The following COL28A1 variants were observed in gnomAD, a reference collection of about 807,000 sequenced individuals.
The protein encoded by COL28A1 is collagen type XXVIII alpha 1 chain.
A neutral mutation model predicts 150.2 loss-of-function variants in COL28A1; 161 were observed. The observed-to-expected ratio is 1.07, with a 90% CI of 0.94 to 1.22. The LOEUF is 1.22. Among genes scored for constraint, COL28A1 ranks in the 50% most tolerant of loss-of-function variants. COL28A1 has a pLI of 0.00. For synonymous variants in COL28A1, 552 were observed against 469.7 expected (o/e 1.18, Z -2.26); for missense variants, 1,617 against 1,388.3 (o/e 1.16, Z -2.62).
chr7:7,445,243 A>G (rs1028572489), intron 18 of COL28A1, among the ~76,000 whole-genome samples: 3 of 152,202 alleles, frequency 2.0e-5, no homozygotes, highest in Non-Finnish European at 4.4e-5. Flanking sequence ...GTACTATAAG[A>G]AGAGGAAAAT....
In COL28A1 at chr7:7,531,633, G is replaced by C. The variant is rs781625066; in HGVS notation, c.396C>G (p.Phe132Leu). The C allele has an allele frequency of 5.0e-6, 8 of 1,604,242 alleles. No homozygotes were observed. The highest frequency in any genetic ancestry group is 2.7e-5 in the African/African-American group (2 of 74,710). ...TGGCATTGGAAATGGCATAATAAGA[G>C]AAGGTACCTTGCCCTATTAAATTCA... is the stretch of plus-strand genomic sequence containing the variant. ...KSMNLIGQGT[F>L]SYYAISNATR... is the part of the protein sequence containing the mutation. Residue 132 changes from phenylalanine to leucine, a missense_variant, in exon 3 of 35, where the codon TTC (phenylalanine) becomes TTG (leucine). Physicochemically the swap from Phe to Leu is conservative, Grantham distance 22 (BLOSUM62 0). Coordinates refer to ENST00000399429, the MANE Select transcript of COL28A1 (RefSeq NM_001037763.3).
chr7:7,486,608 T>C (rs76052901), intron 13 of COL28A1, among the ~76,000 whole-genome samples: 138 of 152,304 alleles, frequency 9.1e-4, no homozygotes, highest in African/African-American at 3.1e-3. Flanking sequence ...CCTCTATTTA[T>C]AGCTTTCTGA....
chr7:7,379,752 T>C (rs944311036), intron 30 of COL28A1, among the ~76,000 whole-genome samples: 2 of 152,220 alleles, frequency 1.3e-5, no homozygotes, highest in African/African-American at 4.8e-5. Context: ...AACGTTCCTC[T>C]GCTCATTTAC....
chr7:7,394,830 T>C (rs891950870), intron 27 of COL28A1, among the ~76,000 whole-genome samples: 3 of 152,222 alleles, frequency 2.0e-5, no homozygotes, highest in South Asian at 2.1e-4. Context: ...TAGGTAATAA[T>C]AGAGGTAATT....
At chr7:7,397,479 G>A (rs1446055460) in intron 27 of COL28A1, among the ~76,000 whole-genome samples, 1 of 151,998 alleles carries the variant, frequency 6.6e-6, no homozygotes, top group Admixed American at 6.6e-5. Context: ...AGCTTACCAC[G>A]GTGGCTTTTG....
Position 7,440,770 on chromosome 7 carries a change from T to A in COL28A1, c.1722+20A>T, listed in dbSNP as rs1371288767. On this transcript the variant is annotated intron_variant, in intron 21 of 34. Coordinates refer to ENST00000399429, the MANE Select transcript of COL28A1 (RefSeq NM_001037763.3). The stretch of plus-strand genomic sequence containing the variant: ...CAATACAAACTCCTCAAAGCGTAAG[T>A]CAGAATACAAGAAACATACCTTTGG... 9.0e-7 allele frequency: 1 copy of A among 1,109,108 alleles called. No homozygotes were observed. The allele number at this position is 1,109,108 out of a possible 1,614,324, so 68.7% of individuals were successfully genotyped here.
intron 8 of COL28A1, among the ~76,000 whole-genome samples, chr7:7,512,647 G>C (rs17168365): frequency 0.1 from 15,831 of 152,094 alleles, 884 homozygotes; most frequent in Middle Eastern, 0.21. Context: ...AATGACTAAA[G>C]TTTCATAATC....
rs555002469 is a variant in COL28A1, at chr7:7,502,595, G to C, written c.1026+3419C>G. On this transcript the variant is annotated intron_variant, in intron 11 of 34. Coordinates refer to ENST00000399429, the MANE Select transcript of COL28A1 (RefSeq NM_001037763.3). The stretch of plus-strand genomic sequence containing the variant: ...CGTGGAATCTTTGCAAATGTTGCAA[G>C]TTTAAAGGTTTCTATTTTAAGGTCT... Among the ~76,000 whole-genome samples, 45 of 151,258 alleles carry C rather than the reference G, an allele frequency of 3.0e-4. No homozygotes were observed. The South Asian group carries it at 9.5e-3, about 32-fold the overall frequency.
chr7:7,541,940 CAAA>C, the COL28A1 span, among the ~76,000 whole-genome samples: 2 of 147,430 alleles, frequency 1.4e-5, no homozygotes, highest in Admixed American at 1.3e-4. Flanking sequence ...AAGTTTTACC[CAAA>C]AAAAAAAAAA....
At chr7:7,503,001 C>T (rs1384986651) in intron 11 of COL28A1, among the ~76,000 whole-genome samples, 1 of 152,110 alleles carries the variant, frequency 6.6e-6, no homozygotes, top group Admixed American at 6.5e-5. Context: ...CTTTTTCCTG[C>T]ACTTTCAGAT....
At chr7:7,533,738 A>G (rs1317404985) in intron 1 of COL28A1, among the ~76,000 whole-genome samples, 1 of 152,138 alleles carries the variant, frequency 6.6e-6, no homozygotes, top group Non-Finnish European at 1.5e-5. Flanking sequence ...TTCATCAGTC[A>G]ATATGCCTAG....
At chr7:7,532,727 A>C (rs1248128091) in intron 2 of COL28A1, 25 bp downstream of exon 2, 1 of 1,587,074 alleles carries the variant, frequency 6.3e-7, no homozygotes, top group African/African-American at 1.4e-5. Flanking sequence ...CTAAACTTAA[A>C]AACAAACAAT....
At chr7:7,454,105 A>C (rs959311058) in intron 16 of COL28A1, among the ~76,000 whole-genome samples, 3 of 152,164 alleles carry the variant, frequency 2.0e-5, no homozygotes, top group Non-Finnish European at 2.9e-5. Flanking sequence ...ATATGTGTAC[A>C]TTTGTATATG....
chr7:7,342,521 C>CT, the COL28A1 span, among the ~76,000 whole-genome samples: 7,960 of 151,884 alleles, frequency 0.052, 718 homozygotes, highest in African/African-American at 0.18. Context: ...TGCTTACTTT[C>CT]TTTTTTTAGA....
chr7:7,372,969 T>C, intron 32 of COL28A1, 29 bp downstream of exon 32: 3 of 1,586,324 alleles, frequency 1.9e-6, no homozygotes, highest in Non-Finnish European at 2.6e-6. Flanking sequence ...CATAAATGCC[T>C]TTCCCCTGGG....
intron 20 of COL28A1, 112 bp from the exon 21 acceptor site, chr7:7,440,973 G>A (rs754879792): frequency 1.6e-6 from 1 of 619,834 alleles, no homozygotes; most frequent in Non-Finnish European, 2.9e-6. Flanking sequence ...TTTTAAAGTG[G>A]TGTGCCCTGA....
At chr7:7,437,050 T>A (rs900939652) in intron 22 of COL28A1, among the ~76,000 whole-genome samples, 2 of 152,014 alleles carry the variant, frequency 1.3e-5, no homozygotes, top group African/African-American at 4.8e-5. Flanking sequence ...AATAAACCAG[T>A]CAACCAACCT....
At chr7:7,453,233 A>T (rs114542562) in intron 17 of COL28A1, among the ~76,000 whole-genome samples, 3,594 of 152,302 alleles carry the variant, frequency 0.024, 110 homozygotes, top group African/African-American at 0.074. Context: ...AACAAATGAA[A>T]ATTGTGTAAA....
intron 13 of COL28A1, among the ~76,000 whole-genome samples, chr7:7,478,594 G>A (rs1413100022): frequency 1.3e-5 from 2 of 152,244 alleles, no homozygotes; most frequent in Non-Finnish European, 2.9e-5. Flanking sequence ...GTGGAGCAGG[G>A]GCCGTGCTCC....
Sources: allele counts gnomAD v4.1 joint callset (sites outside exome capture counted in the v4.1 genomes callset), GRCh38; gene constraint gnomAD v4.1.1; transcripts MANE v1.5; gene names NCBI Gene and HGNC (gene_info 2026-07-23, HGNC 2026-07-21).